Variants in TRIM2 observed in about 807,000 individuals in gnomAD.
TRIM2 encodes tripartite motif containing 2, also known as tripartite motif-containing protein 2.
Under a neutral mutation model 75.2 loss-of-function variants are expected in TRIM2, and 20 were observed. The observed-to-expected ratio is 0.27, with a 90% CI of 0.19 to 0.39. The LOEUF is 0.39. Ranked by LOEUF, TRIM2 falls within the 10% of genes least tolerant of loss-of-function variation. The pLI, the probability that TRIM2 is intolerant of heterozygous loss-of-function variation, is 1.00. For synonymous variants in TRIM2, 373 were observed against 388.3 expected, an observed-to-expected ratio of 0.96 and a Z score of 0.46; for missense variants, 660 against 990.8, an observed-to-expected ratio of 0.67 and a Z score of 4.48.
intron 1 of TRIM2, among the ~76,000 whole-genome samples, chr4:153,195,746 C>T (rs538751708): frequency 9.2e-5 from 14 of 152,266 alleles, no homozygotes; most frequent in African/African-American, 3.1e-4. Flanking sequence ...CTGAACTAAT[C>T]CTGTTAGAAT....
At chr4:153,302,701 GA>G (rs1764166808) in intron 6 of TRIM2, among the ~76,000 whole-genome samples, 2 of 152,178 alleles carry the variant, frequency 1.3e-5, no homozygotes, top group African/African-American at 4.8e-5. Context: ...GAGGCTACTT[GA>G]ACTCCCTCTG....
intron 8 of TRIM2, among the ~76,000 whole-genome samples, chr4:153,316,758 C>G (rs1473120835): frequency 6.6e-6 from 1 of 151,532 alleles, no homozygotes; most frequent in African/African-American, 2.4e-5. Context: ...ACAGAAATCT[C>G]TCTTATGAAG....
At chr4:153,262,906 T>C (rs1753929675) in intron 1 of TRIM2, among the ~76,000 whole-genome samples, 1 of 152,256 alleles carries the variant, frequency 6.6e-6, no homozygotes, top group Non-Finnish European at 1.5e-5. Flanking sequence ...TGTTTCTCAC[T>C]GTCATAATTT....
At chr4:153,189,372 C>G (rs1732951940) in intron 1 of TRIM2, among the ~76,000 whole-genome samples, 1 of 152,194 alleles carries the variant, frequency 6.6e-6, no homozygotes, top group Non-Finnish European at 1.5e-5. Context: ...TGTCTCTATC[C>G]TATTTTAGGA....
In TRIM2 at chr4:153,336,475, T is replaced by C. The variant is rs1018053269; in HGVS notation, c.*1509T>C. On this transcript the variant is annotated 3_prime_UTR_variant, in exon 12 of 12. Transcript: ENST00000338700. Reference sequence around the variant, plus strand: ...TTGAGAAATGTTAAGAACAATTTAGTCAATCGTTCATCTGTCATTGGTACT... The same window carrying C: ...TTGAGAAATGTTAAGAACAATTTAGCCAATCGTTCATCTGTCATTGGTACT... The C allele has an allele frequency of 5.1e-6, 5 of 985,694 alleles. No individual in the cohort carries two copies. The African/African-American group carries it at 7.0e-5, about 14-fold the overall frequency. The allele number at this position is 985,694 out of a possible 1,614,324, so 61.1% of individuals were successfully genotyped here.
At chr4:153,257,504 C>G in intron 1 of TRIM2, 1 of 1,278,468 alleles carries the variant, frequency 7.8e-7, no homozygotes. Context: ...CCAGCCTTCT[C>G]TCATTTCCTC....
In TRIM2 at chr4:153,270,495, CCT is replaced by C. The variant is rs1389348505; in HGVS notation, c.192_193del (p.Cys65SerfsTer61). The C allele has an allele frequency of 1.9e-6, 3 of 1,611,122 alleles. No homozygotes were observed. The highest frequency in any genetic ancestry group is 2.2e-5 in the East Asian group (1 of 44,700). On this transcript the variant is annotated frameshift_variant, in exon 2 of 12. Transcript: ENST00000338700. LOFTEE classifies it high-confidence loss of function. ...CGGTACAAGAATCCCAAGGTTCTCC[CCT>C]GTCTGCACACTTTCTGCGAGAGGTA...
Position 153,315,556 on chromosome 4 carries a change from T to C in TRIM2, c.1582T>C (p.Leu528=). The change falls in exon 7 of 12, where the codon TTA becomes CTA. Residue 528 remains leucine, a synonymous_variant. Transcript: ENST00000338700. ...AGCTGCATCTACAAATGGAAAGATA[T>C]TAATTGCAGACAGTAACAACCAATG... The part of the protein sequence containing the change: ...GVAASTNGKI[L]IADSNNQCVQ... 1 of 1,611,800 alleles carries C rather than the reference T, an allele frequency of 6.2e-7. No homozygotes were observed. The highest frequency in any genetic ancestry group is 8.5e-7 in the Non-Finnish European group (1 of 1,179,480).
At chr4:153,303,314 T>A (rs55781603) in intron 6 of TRIM2, among the ~76,000 whole-genome samples, 28 of 88,364 alleles carry the variant, frequency 3.2e-4, no homozygotes, top group Admixed American at 6.9e-4. Flanking sequence ...AAAAAAAAAA[T>A]ATATAAAAAT....
rs150714842 is a variant in TRIM2, at chr4:153,299,095, C to G, written c.1510+3059C>G. Among the ~76,000 whole-genome samples the G allele has an allele frequency of 1.6e-3, 245 of 152,220 alleles. 1 individual carries two copies. Among genetic ancestry groups the G allele is most frequent in the African/African-American group, 4.9e-3 (205 of 41,536 alleles). ...CAATAGTTCTCTTGAACTTATCCCT[C>G]TTATTTAACTAAATTTTTCTGTCTT... is the stretch of plus-strand genomic sequence containing the variant. On this transcript the variant is annotated intron_variant, in intron 6 of 11. Transcript: ENST00000338700.
rs1398854840 is a variant in TRIM2 at position 153,295,897 on chromosome 4, C to T, written c.1371C>T (p.Thr457=). The stretch of plus-strand genomic sequence containing the variant: ...TCCGATCCGCTGATGTGTCTCCCAC[C>T]ACAGAAGGCGTGAAGAGGCGCGTTA... ...KVIRSADVSP[T]TEGVKRRVKS... Residue 457 remains threonine (T), a synonymous_variant, in exon 6 of 12, where the codon ACC becomes ACT. Coordinates refer to ENST00000338700, the MANE Select transcript of TRIM2 (RefSeq NM_015271.5). This position sits in a 1 kb window ranked among gnomAD's most constrained non-coding sequence, Gnocchi z 7.2. 1 of 1,612,808 alleles carries T rather than the reference C, an allele frequency of 6.2e-7. No homozygotes were observed. Among genetic ancestry groups the T allele is most frequent in the Non-Finnish European group, 8.5e-7 (1 of 1,179,502 alleles).
At chr4:153,260,586 AAG>A (rs1753155055) in intron 1 of TRIM2, among the ~76,000 whole-genome samples, 1 of 151,610 alleles carries the variant, frequency 6.6e-6, no homozygotes, top group African/African-American at 2.4e-5. Context: ...TAAGGAGAAA[AAG>A]AACCTTGGAG....
intron 3 of TRIM2, among the ~76,000 whole-genome samples, chr4:153,281,825 G>A (rs990057442): frequency 6.6e-6 from 1 of 152,228 alleles, no homozygotes; most frequent in Non-Finnish European, 1.5e-5. Context: ...AGACACTTGA[G>A]CTCATGCCTC....
chr4:153,245,990 T>C (rs1449854563), intron 1 of TRIM2, among the ~76,000 whole-genome samples: 1 of 152,192 alleles, frequency 6.6e-6, no homozygotes, highest in Non-Finnish European at 1.5e-5. Context: ...CTTTACCTAC[T>C]GTTAATGGCT....
chr4:153,323,842 C>T (rs772009652), intron 9 of TRIM2, among the ~76,000 whole-genome samples: 6 of 152,128 alleles, frequency 3.9e-5, no homozygotes, highest in Non-Finnish European at 8.8e-5. Flanking sequence ...GCTGCTAGAA[C>T]TCCCAGCCTG....
upstream of TRIM2, among the ~76,000 whole-genome samples, chr4:153,203,232 G>C (rs1239156933): frequency 1.3e-5 from 2 of 151,834 alleles, no homozygotes; most frequent in Non-Finnish European, 2.9e-5. Flanking sequence ...AATGCTCATG[G>C]TCTGGCATGA....
chr4:153,212,568 A>T (rs1737348293), intron 1 of TRIM2, among the ~76,000 whole-genome samples: 1 of 152,172 alleles, frequency 6.6e-6, no homozygotes, highest in African/African-American at 2.4e-5. Flanking sequence ...CTGAGGAGAG[A>T]GAATTGCTTG....
At chr4:153,203,117 A>C (rs1002273030), upstream of TRIM2, among the ~76,000 whole-genome samples, 1 of 112,868 alleles carries the variant, frequency 8.9e-6, no homozygotes, top group Non-Finnish European at 1.8e-5. Flanking sequence ...AAAAAAAAAA[A>C]AAAAAAAAAA....
intron 1 of TRIM2, among the ~76,000 whole-genome samples, chr4:153,190,407 C>T (rs1733059993): frequency 6.6e-6 from 1 of 152,240 alleles, no homozygotes; most frequent in South Asian, 2.1e-4. Context: ...TGGCACTGTG[C>T]TAAGTGCATT....
Sources: allele counts gnomAD v4.1 joint callset (sites outside exome capture counted in the v4.1 genomes callset), GRCh38; gene constraint gnomAD v4.1.1; non-coding constraint Gnocchi (gnomAD v3.1); transcripts MANE v1.5; gene names NCBI Gene and HGNC (gene_info 2026-07-23, HGNC 2026-07-21).